EEPD1: variants seen among roughly 807,000 people sequenced by gnomAD.
EEPD1 encodes endonuclease/exonuclease/phosphatase family domain-containing protein 1.
In EEPD1, 17 loss-of-function variants were observed where a neutral mutation model predicts 46.3. That is an observed-to-expected ratio of 0.37 (90% CI 0.25 to 0.55). EEPD1 has a LOEUF of 0.55. Ranked by LOEUF, EEPD1 falls within the 20% of genes least tolerant of loss-of-function variation. EEPD1 has a pLI of 0.83. For synonymous variants in EEPD1, 313 were observed against 315.6 expected (o/e 0.99, Z 0.09); for missense variants, 673 against 745.6 (o/e 0.90, Z 1.13).
At chr7:36,190,403 T>C (rs1015170304) in intron 2 of EEPD1, among the ~76,000 whole-genome samples, 1 of 152,200 alleles carries the variant, frequency 6.6e-6, no homozygotes, top group Non-Finnish European at 1.5e-5. Flanking sequence ...GGTGAGATAC[T>C]AACTATGGAT....
intron 2 of EEPD1, among the ~76,000 whole-genome samples, chr7:36,179,360 A>G (rs1029609516): frequency 6.6e-6 from 1 of 152,098 alleles, no homozygotes; most frequent in Non-Finnish European, 1.5e-5. Flanking sequence ...TCAATAAGTA[A>G]TATATATATT....
In EEPD1 at chr7:36,155,023, G is replaced by A. The variant is rs1474814534; in HGVS notation, c.699G>A (p.Leu233=). The A allele has an allele frequency of 1.9e-6, 3 of 1,605,524 alleles. No individual in the cohort carries two copies. Among genetic ancestry groups the A allele is most frequent in the Admixed American group, 1.7e-5 (1 of 59,442 alleles). The change falls in exon 2 of 8, where the codon CTG becomes CTA. Residue 233 remains leucine, a synonymous_variant. Transcript: ENST00000242108. ...GCCTGCAGAGTGAGGACCTGGACCT[G>A]CCGCCAGGGGGGCCCACCCAGATTA... ...SLSLQSEDLD[L]PPGGPTQIIS...
At chr7:36,175,073 G>A (rs1785152718) in intron 2 of EEPD1, among the ~76,000 whole-genome samples, 1 of 152,204 alleles carries the variant, frequency 6.6e-6, no homozygotes, top group African/African-American at 2.4e-5. Flanking sequence ...ATTTGACCAT[G>A]GTTTAAACCG....
At chr7:36,262,734 A>G (rs1227086298) in intron 3 of EEPD1, among the ~76,000 whole-genome samples, 1 of 152,176 alleles carries the variant, frequency 6.6e-6, no homozygotes, top group East Asian at 1.9e-4. Context: ...GTCATATACC[A>G]GTTAAACTCT....
chr7:36,239,206 C>T lies in EEPD1; in HGVS notation c.930+170C>T, dbSNP rs1188258190. Among the ~76,000 whole-genome samples, 4 of 152,114 alleles carry T rather than the reference C, an allele frequency of 2.6e-5. No individual in the cohort carries two copies. In the South Asian group the frequency reaches 8.3e-4, roughly 32 times the overall value. ...ATTTTAATCTGAGCCCCCTACCTTG[C>T]TGACATTGTGTTCACACCTACAAAC... On this transcript the variant is annotated intron_variant, in intron 3 of 7. Coordinates refer to ENST00000242108, the MANE Select transcript of EEPD1 (RefSeq NM_030636.3).
chr7:36,255,942 C>T (rs994744611), intron 3 of EEPD1, among the ~76,000 whole-genome samples: 34 of 152,118 alleles, frequency 2.2e-4, no homozygotes, highest in African/African-American at 6.0e-4. Context: ...AGATCTTTCC[C>T]GCTTTCTCCT....
At chr7:36,234,683 A>AG (rs1478280193) in intron 2 of EEPD1, among the ~76,000 whole-genome samples, 1 of 152,070 alleles carries the variant, frequency 6.6e-6, no homozygotes, top group Non-Finnish European at 1.5e-5. Flanking sequence ...AAAAAAAAAA[A>AG]AAAGATAAAT....
intron 2 of EEPD1, among the ~76,000 whole-genome samples, chr7:36,222,314 A>C (rs1428566810): frequency 6.6e-6 from 1 of 152,230 alleles, no homozygotes; most frequent in East Asian, 1.9e-4. Context: ...TATGTTTACT[A>C]GTCATTAAGT....
chr7:36,153,598 C>T lies in EEPD1; in HGVS notation c.-269C>T, dbSNP rs1428098337. The T allele has an allele frequency of 2.6e-5, 4 of 152,374 alleles. No individual in the cohort carries two copies. Among genetic ancestry groups the T allele is most frequent in the African/African-American group, 9.7e-5 (4 of 41,438 alleles). The allele number at this position is 152,374 out of a possible 1,614,324, so 9.4% of individuals were successfully genotyped here. The stretch of plus-strand genomic sequence containing the variant: ...ACGCCTAGGCTGGAGGCAGGGGGCC[C>T]GTGCTGTCCCGGGCTGGGCTCAGGC... On this transcript the variant is annotated 5_prime_UTR_variant, in exon 1 of 8. Coordinates refer to ENST00000242108, the MANE Select transcript of EEPD1 (RefSeq NM_030636.3).
Position 36,196,524 on chromosome 7 carries a change from G to A in EEPD1, c.878+41322G>A, listed in dbSNP as rs542539835. 2.7e-3 allele frequency among the ~76,000 whole-genome samples: 415 copies of A among 152,260 alleles called. 5 individuals carry two copies. The highest frequency in any genetic ancestry group is 9.4e-3 in the African/African-American group (392 of 41,550). The stretch of plus-strand genomic sequence containing the variant: ...TGCAGCCTCCCTGCCTGATTCTCCT[G>A]CGTCAGCCTGCCCAGTGCCTGCGAT... On this transcript the variant is annotated intron_variant, in intron 2 of 7. Transcript: ENST00000242108.
chr7:36,164,897 T>C (rs552817348), intron 2 of EEPD1, among the ~76,000 whole-genome samples: 5 of 152,314 alleles, frequency 3.3e-5, no homozygotes, highest in Non-Finnish European at 7.3e-5. Flanking sequence ...CAAAAACTTA[T>C]AAAGGATATA....
intron 3 of EEPD1, among the ~76,000 whole-genome samples, chr7:36,252,766 G>A (rs771290868): frequency 1.3e-5 from 2 of 151,102 alleles, no homozygotes; most frequent in Admixed American, 1.3e-4. Flanking sequence ...CCCAGACTGT[G>A]GGGGCAGGCA....
At chr7:36,285,494 G>T (rs983018912) in intron 5 of EEPD1, among the ~76,000 whole-genome samples, 3 of 152,134 alleles carry the variant, frequency 2.0e-5, no homozygotes, top group East Asian at 3.9e-4. Flanking sequence ...CAGATTGATC[G>T]AGCGCAGTCT....
intron 2 of EEPD1, among the ~76,000 whole-genome samples, chr7:36,180,417 G>A (rs1328522254): frequency 6.6e-6 from 1 of 152,166 alleles, no homozygotes; most frequent in African/African-American, 2.4e-5. Context: ...GGGGGTAGTG[G>A]AAGGAAAGGC....
intron 2 of EEPD1, among the ~76,000 whole-genome samples, chr7:36,229,563 C>T (rs191207643): frequency 2.0e-5 from 3 of 152,152 alleles, no homozygotes; most frequent in Admixed American, 6.5e-5. Flanking sequence ...ATTTTAATGT[C>T]GTCATTTCTC....
At chr7:36,179,972 G>C (rs2115652012) in intron 2 of EEPD1, among the ~76,000 whole-genome samples, 1 of 152,292 alleles carries the variant, frequency 6.6e-6, no homozygotes, top group East Asian at 1.9e-4. Context: ...ACTGCCCTGA[G>C]TGGGGCCGGG....
chr7:36,154,961 T>C lies in EEPD1; in HGVS notation c.637T>C (p.Phe213Leu). ...CACCCACACGAACGGGGGACTGACCTTCACCGCCAAGCCTCACCCGAGCCC... is the reference window on the plus strand; with the variant it reads ...CACCCACACGAACGGGGGACTGACCCTCACCGCCAAGCCTCACCCGAGCCC... ...PSTHTNGGLT[F>L]TAKPHPSPTS... Residue 213 changes from phenylalanine (F) to leucine (L), a missense_variant, in exon 2 of 8, where the codon TTC (phenylalanine) becomes CTC (leucine). By Grantham distance (22) the Phe-to-Leu change is conservative (BLOSUM62 0). Transcript: ENST00000242108. The surrounding 1 kb of genome is among the most constrained non-coding windows in gnomAD (Gnocchi z 4.2). 1 of 1,613,964 alleles carries C rather than the reference T, an allele frequency of 6.2e-7. No homozygotes were observed. Among genetic ancestry groups the C allele is most frequent in the Non-Finnish European group, 8.5e-7 (1 of 1,179,980 alleles).
At chr7:36,204,680 C>G (rs73338935) in intron 2 of EEPD1, among the ~76,000 whole-genome samples, 3 of 152,160 alleles carry the variant, frequency 2.0e-5, no homozygotes, top group African/African-American at 7.2e-5. Flanking sequence ...GCAGACAGAC[C>G]GGGCTCACCT....
chr7:36,175,016 CATT>C (rs1402816688), intron 2 of EEPD1, among the ~76,000 whole-genome samples: 1 of 152,142 alleles, frequency 6.6e-6, no homozygotes, highest in Admixed American at 6.5e-5. Context: ...GTACAGAAAA[CATT>C]AGTGAGGTAC....
Sources: gnomAD v4.1 joint callset for allele counts (sites outside exome capture counted in the v4.1 genomes callset) on GRCh38, gnomAD v4.1.1 for gene constraint, Gnocchi (gnomAD v3.1) non-coding constraint, MANE v1.5 for transcripts, NCBI Gene and HGNC (gene_info 2026-07-23, HGNC 2026-07-21) for gene names.